The following SSH1 variants were observed in gnomAD, a reference collection of about 807,000 sequenced individuals.
SSH1 encodes the protein slingshot protein phosphatase 1, also known as protein phosphatase Slingshot homolog 1.
SSH1 carries 43 observed loss-of-function variants against 79.7 expected under a neutral mutation model. That is an observed-to-expected ratio of 0.54 (90% CI 0.42 to 0.70). SSH1 has a LOEUF of 0.70. Among genes scored for constraint, SSH1 ranks in the 30% least tolerant of loss-of-function variants. The probability of loss-of-function intolerance (pLI) is 0.00; values close to 1 mark genes in which losing one functional copy is unlikely to be tolerated. For missense variants in SSH1, 1,206 were observed against 1,358.8 expected, an observed-to-expected ratio of 0.89 and a Z score of 1.77; for synonymous variants, 599 against 538.3, an observed-to-expected ratio of 1.11 and a Z score of -1.56.
chr12:108,854,443 T>C (rs1243841907), intron 1 of SSH1, among the ~76,000 whole-genome samples: 3 of 152,186 alleles, frequency 2.0e-5, no homozygotes, highest in Non-Finnish European at 4.4e-5. Context: ...ACAAAGGAAC[T>C]GAGATAAGAT....
At chr12:108,852,785 C>T (rs768883891) in intron 1 of SSH1, 107 bp from the exon 2 acceptor site, 1 of 1,599,102 alleles carries the variant, frequency 6.3e-7, no homozygotes, top group Non-Finnish European at 8.5e-7. Flanking sequence ...TAAAGATATC[C>T]AGGAAACCTA....
intron 13 of SSH1, among the ~76,000 whole-genome samples, chr12:108,797,173 C>A (rs2036787061): frequency 6.6e-6 from 1 of 152,200 alleles, no homozygotes; most frequent in African/African-American, 2.4e-5. Context: ...GTCACCCAGA[C>A]TGGAGTGCAG....
At position 108,823,107 on chromosome 12, in the gene SSH1, A is replaced by C. The variant is rs2038184940; in HGVS notation, c.214+151T>G. 4 of 739,334 alleles carry C rather than the reference A, an allele frequency of 5.4e-6. No individual in the cohort carries two copies. In the East Asian group the frequency reaches 1.1e-4, roughly 20 times the overall value. The allele number at this position is 739,334 out of a possible 1,614,324, so 45.8% of individuals were successfully genotyped here. A position where few individuals can be genotyped will look rare whatever the true frequency, so the allele number is the denominator to read the frequency against. On this transcript the variant is annotated intron_variant, in intron 3 of 14. Coordinates refer to ENST00000326495, the MANE Select transcript of SSH1 (RefSeq NM_018984.4). ...AATGTGCGTGGTCTGCTCAAGAGAG[A>C]GCATCTGAGCCTCTGCCTGCACTGG... is the stretch of plus-strand genomic sequence containing the variant.
intron 2 of SSH1, among the ~76,000 whole-genome samples, chr12:108,824,385 T>C (rs568692650): frequency 4.0e-5 from 6 of 151,338 alleles, no homozygotes; most frequent in East Asian, 3.9e-4. Context: ...GGGACGGAGG[T>C]TGGAGTGAGC....
At chr12:108,811,133 T>A (rs931531526) in intron 6 of SSH1, 127 bp downstream of exon 6, 16 of 882,896 alleles carry the variant, frequency 1.8e-5, no homozygotes, top group Non-Finnish European at 2.8e-5. Context: ...ATATGATTTC[T>A]CCCGCTGTGA....
At chr12:108,843,557 CAG>C (rs2038828308) in intron 2 of SSH1, among the ~76,000 whole-genome samples, 1 of 152,112 alleles carries the variant, frequency 6.6e-6, no homozygotes, top group African/African-American at 2.4e-5. Context: ...TGGTTTGAGA[CAG>C]AGTCTCACTC....
chr12:108,856,292 G>A (rs1249593152), intron 1 of SSH1, among the ~76,000 whole-genome samples: 2 of 152,232 alleles, frequency 1.3e-5, no homozygotes, highest in Non-Finnish European at 2.9e-5. Flanking sequence ...GACCTGCTCA[G>A]AGGCCCAAGG....
At chr12:108,814,308 C>T (rs1424508023) in intron 5 of SSH1, among the ~76,000 whole-genome samples, 3 of 151,876 alleles carry the variant, frequency 2.0e-5, no homozygotes. Flanking sequence ...AAGCGTTGGA[C>T]TCTTATGAAG....
intron 10 of SSH1, among the ~76,000 whole-genome samples, chr12:108,804,552 G>A (rs1054863628): frequency 6.6e-6 from 1 of 152,246 alleles, no homozygotes; most frequent in African/African-American, 2.4e-5. Flanking sequence ...CGGCCCTGGA[G>A]CCGTGCATGG....
At chr12:108,834,135 G>A (rs1318314355) in intron 2 of SSH1, 7 of 151,946 alleles carry the variant, frequency 4.6e-5, no homozygotes, top group Admixed American at 3.9e-4. Flanking sequence ...TTAGAAAACA[G>A]TATTTCAGAA....
At chr12:108,790,411 A>G (rs994708657) in intron 14 of SSH1, among the ~76,000 whole-genome samples, 4 of 152,182 alleles carry the variant, frequency 2.6e-5, no homozygotes, top group African/African-American at 9.7e-5. Flanking sequence ...CAGCCTCTCA[A>G]AGTGCTGGGA....
At chr12:108,795,000 G>A (rs2036684688) in intron 13 of SSH1, among the ~76,000 whole-genome samples, 1 of 152,168 alleles carries the variant, frequency 6.6e-6, no homozygotes, top group African/African-American at 2.4e-5. Flanking sequence ...CCAGATGAAG[G>A]CATACATGAC....
rs1470205208 is a variant in SSH1, at chr12:108,853,298, A to G, written c.70-620T>C. ...GATATTTAATATTTTCTGAAATCTA[A>G]AAGGCCACGAGTTTGGGCTCCAGAA... On this transcript the variant is annotated intron_variant, in intron 1 of 14. Coordinates refer to ENST00000326495, the MANE Select transcript of SSH1 (RefSeq NM_018984.4). 7 of 985,034 alleles carry G rather than the reference A, an allele frequency of 7.1e-6. No individual in the cohort carries two copies. The African/African-American group carries it at 1.0e-4, about 15-fold the overall frequency. The allele number at this position is 985,034 out of a possible 1,614,324, so 61.0% of individuals were successfully genotyped here. A position where few individuals can be genotyped will look rare whatever the true frequency, so the allele number is the denominator to read the frequency against.
chr12:108,797,927 G>A (rs1046125799), intron 13 of SSH1, among the ~76,000 whole-genome samples: 2 of 152,222 alleles, frequency 1.3e-5, no homozygotes, highest in East Asian at 1.9e-4. Context: ...TGCCTCACAC[G>A]ATGAAGCAAA....
chr12:108,824,743 A>AC lies in SSH1; in HGVS notation c.111-1383dup, dbSNP rs1477868236. 9.2e-5 allele frequency among the ~76,000 whole-genome samples: 14 copies of AC among 152,236 alleles called. No individual in the cohort carries two copies. In the East Asian group the frequency reaches 2.7e-3, roughly 29 times the overall value. The stretch of plus-strand genomic sequence containing the variant: ...AGACCAGCCTGGGCAACGTTGTGAG[A>AC]CCCCGTCGTACATCAAAAGTTTTTA... On this transcript the variant is annotated intron_variant, in intron 2 of 14. Coordinates refer to ENST00000326495, the MANE Select transcript of SSH1 (RefSeq NM_018984.4).
intron 2 of SSH1, among the ~76,000 whole-genome samples, chr12:108,837,210 C>T (rs1009409536): frequency 2.0e-5 from 3 of 151,994 alleles, no homozygotes; most frequent in Non-Finnish European, 4.4e-5. Context: ...CCAGCTTGGG[C>T]GACAGAGTGA....
chr12:108,788,474 A>T lies in SSH1; in HGVS notation c.2664T>A (p.Ala888=). The change falls in exon 15 of 15, where the codon GCT becomes GCA. Residue 888 remains alanine, a synonymous_variant. Transcript: ENST00000326495. Reference sequence around the variant, plus strand: ...TCTTCAGTGAGCCTCCTTCCAATGAAGCGGGGGCGGCCTCTGACTTCTCAT... The same window carrying T: ...TCTTCAGTGAGCCTCCTTCCAATGATGCGGGGGCGGCCTCTGACTTCTCAT... The part of the protein sequence containing the change: ...GSDEKSEAAP[A]SLEGGSLKSP... 6.4e-7 allele frequency: 1 copy of T among 1,557,754 alleles called. No homozygotes were observed. The highest frequency in any genetic ancestry group is 8.7e-7 in the Non-Finnish European group (1 of 1,154,518).
At chr12:108,845,450 G>A (rs2038878303) in intron 2 of SSH1, among the ~76,000 whole-genome samples, 1 of 152,150 alleles carries the variant, frequency 6.6e-6, no homozygotes, top group Non-Finnish European at 1.5e-5. Flanking sequence ...CACTTTGGGA[G>A]GCCAAGGCGG....
intron 2 of SSH1, chr12:108,833,755 A>G (rs1276052516): frequency 6.6e-6 from 1 of 152,244 alleles, no homozygotes; most frequent in East Asian, 1.9e-4. Context: ...CTTAAGATGC[A>G]GTAAGTGTGA....
Sources: gnomAD v4.1 joint callset for allele counts (sites outside exome capture counted in the v4.1 genomes callset) on GRCh38, gnomAD v4.1.1 for gene constraint, MANE v1.5 for transcripts, NCBI Gene and HGNC (gene_info 2026-07-23, HGNC 2026-07-21) for gene names.